Variants in WDR35 observed in about 807,000 individuals in gnomAD.
The protein encoded by WDR35 is WD repeat-containing protein 35.
Under a neutral mutation model 158.3 loss-of-function variants are expected in WDR35, and 118 were observed. The ratio of observed to expected loss-of-function variants is 0.75; its 90% CI spans 0.64 to 0.87. The LOEUF (loss-of-function observed/expected upper bound fraction) is 0.87, where lower values mean the gene tolerates loss of function less well. Among genes scored for constraint, WDR35 ranks in the 40% least tolerant of loss-of-function variants. WDR35 has a pLI of 0.00. For missense variants in WDR35, 1,263 were observed against 1,405.8 expected, an observed-to-expected ratio of 0.90 and a Z score of 1.62; for synonymous variants, 448 against 476.1, an observed-to-expected ratio of 0.94 and a Z score of 0.77.
At position 19,989,228 on chromosome 2, in the gene WDR35, C is replaced by T. The variant is rs756728720; in HGVS notation, c.79G>A (p.Gly27Arg). Residue 27 changes from glycine to arginine, a missense_variant, in exon 2 of 27, where the codon GGG (glycine) becomes AGG (arginine). Gly to Arg is a moderately radical substitution (Grantham distance 125, BLOSUM62 -2). Transcript: ENST00000281405. ...TCTTCACCACCGCATGCTATGAACC[C>T]TTGTTCCTTGTTCCAGGATACACAC... ...LQCVSWNKEQGFIACGGEDGL... is the reference protein window; with the variant it reads ...LQCVSWNKEQRFIACGGEDGL... 6.2e-7 allele frequency: 1 copy of T among 1,614,230 alleles called. No individual in the cohort carries two copies. The highest frequency in any genetic ancestry group is 1.7e-5 in the Admixed American group (1 of 60,024).
In WDR35 at chr2:19,939,917, CA is replaced by C. The variant is rs200732447; in HGVS notation, c.1927-1517del. On this transcript the variant is annotated intron_variant, in intron 17 of 26. Transcript: ENST00000281405. ...ATATATAAAAGCAGACAAAATATTT[CA>C]GTCACCTTAGTTTGATTCTACCCAC... Among the ~76,000 whole-genome samples the C allele has an allele frequency of 2.9e-3, 441 of 151,908 alleles. 7 individuals carry two copies. Among genetic ancestry groups the C allele is most frequent in the East Asian group, 0.018 (93 of 5,170 alleles).
In WDR35 at chr2:19,975,674, A is replaced by G. The variant is rs748445254; in HGVS notation, c.437-11T>C. 12 of 1,613,934 alleles carry G rather than the reference A, an allele frequency of 7.4e-6. No individual in the cohort carries two copies. Among genetic ancestry groups the G allele is most frequent in the Non-Finnish European group, 9.3e-6 (11 of 1,179,904 alleles). ...CCCAAATACGATTGCCTAAAACAAA[A>G]CATTATTAAAAGTTGTTCAAGGTCA... On this transcript the variant is annotated splice_polypyrimidine_tract_variant and intron_variant, in intron 5 of 26. Coordinates refer to ENST00000281405, the MANE Select transcript of WDR35 (RefSeq NM_020779.4).
At chr2:19,977,929 T>A (rs1672262494) in intron 5 of WDR35, among the ~76,000 whole-genome samples, 1 of 152,216 alleles carries the variant, frequency 6.6e-6, no homozygotes. Context: ...ACCTACCTTG[T>A]GGCTAATGCC....
chr2:19,953,728 A>T, intron 12 of WDR35, 106 bp downstream of exon 12: 1 of 1,408,056 alleles, frequency 7.1e-7, no homozygotes, highest in Non-Finnish European at 9.9e-7. Flanking sequence ...AAACATTTCT[A>T]CTAATCAAGA....
In WDR35 at chr2:19,912,887, T is replaced by C. The variant is rs1669877585; in HGVS notation, c.*671A>G. 1 of 152,246 alleles carries C rather than the reference T, an allele frequency of 6.6e-6. No individual in the cohort carries two copies. 9.4% of individuals were successfully genotyped at this position (152,246 alleles called of 1,614,324 possible). On this transcript the variant is annotated 3_prime_UTR_variant, in exon 27 of 27. Coordinates refer to ENST00000281405, the MANE Select transcript of WDR35 (RefSeq NM_020779.4). Reference sequence around the variant, plus strand: ...ATTTCTGTTTAAGTTATCTTCATTATAAATAGAGGCAAGTTTTCTGCACAA... The same window carrying C: ...ATTTCTGTTTAAGTTATCTTCATTACAAATAGAGGCAAGTTTTCTGCACAA...
At position 19,914,250 on chromosome 2, in the gene WDR35, AT is replaced by A. The variant is rs1461541441; in HGVS notation, c.3148del (p.Ile1050SerfsTer11). 1 of 1,613,834 alleles carries A rather than the reference AT, an allele frequency of 6.2e-7. No individual in the cohort carries two copies. Among genetic ancestry groups the A allele is most frequent in the Non-Finnish European group, 8.5e-7 (1 of 1,179,894 alleles). On this transcript the variant is annotated frameshift_variant, in exon 26 of 27. Transcript: ENST00000281405. LOFTEE classifies it high-confidence loss of function. ...TALHLKDYED[I>X]IPPVEIYSLL... ...AGAGTAGATCTCCACAGGAGGGATGATGTCTTCATAGTCTTTCAGGTGAAGA... is the reference window on the plus strand; with the variant it reads ...AGAGTAGATCTCCACAGGAGGGATGAGTCTTCATAGTCTTTCAGGTGAAGA...
At chr2:19,923,113 G>A (rs1453645700) in intron 25 of WDR35, among the ~76,000 whole-genome samples, 2 of 152,144 alleles carry the variant, frequency 1.3e-5, no homozygotes, top group Admixed American at 6.5e-5. Context: ...TAATAAATAC[G>A]TGGGTAAATC....
At chr2:19,973,003 T>C (rs1672078290) in intron 8 of WDR35, among the ~76,000 whole-genome samples, 2 of 152,138 alleles carry the variant, frequency 1.3e-5, no homozygotes. Flanking sequence ...TTAAAAATAC[T>C]ATTGAGAAGG....
Position 19,934,522 on chromosome 2 carries a change from A to C in WDR35, c.2547+949T>G, listed in dbSNP as rs1273669468. On this transcript the variant is annotated intron_variant, in intron 21 of 26. Transcript: ENST00000281405. The surrounding 1 kb of genome is among the most constrained non-coding windows in gnomAD (Gnocchi z 4.6). ...TCTATTTAAAATTTATAATACTAAA[A>C]TTTTTACTATTTTAGTTATTTAATT... is the stretch of plus-strand genomic sequence containing the variant. Among the ~76,000 whole-genome samples, 1 of 151,956 alleles carries C rather than the reference A, an allele frequency of 6.6e-6. No individual in the cohort carries two copies. The highest frequency in any genetic ancestry group is 1.9e-4 in the East Asian group (1 of 5,194).
In WDR35 at chr2:19,911,450, G is replaced by A. The variant is rs573783425; in HGVS notation, c.*2108C>T. 6.6e-6 allele frequency: 1 copy of A among 152,358 alleles called. No individual in the cohort carries two copies. Among genetic ancestry groups the A allele is most frequent in the African/African-American group, 2.4e-5 (1 of 41,578 alleles). The allele number at this position is 152,358 out of a possible 1,614,324, so 9.4% of individuals were successfully genotyped here. On this transcript the variant is annotated 3_prime_UTR_variant, in exon 27 of 27. Coordinates refer to ENST00000281405, the MANE Select transcript of WDR35 (RefSeq NM_020779.4). The stretch of plus-strand genomic sequence containing the variant: ...ACATTTCTCTTTCCTTGATGAAGCA[G>A]AGAATAGTCTCATCCCTAAAAACAG...
chr2:19,963,916 G>T (rs1384573448), intron 10 of WDR35, among the ~76,000 whole-genome samples: 2 of 151,944 alleles, frequency 1.3e-5, no homozygotes, highest in Non-Finnish European at 2.9e-5. Context: ...GCTAATTTTT[G>T]TATATTTAGT....
At position 19,913,124 on chromosome 2, in the gene WDR35, T is replaced by C. The variant is rs1431702990; in HGVS notation, c.*434A>G. 1 of 157,510 alleles carries C rather than the reference T, an allele frequency of 6.3e-6. No homozygotes were observed. The highest frequency in any genetic ancestry group is 1.4e-5 in the Non-Finnish European group (1 of 71,374). The allele number at this position is 157,510 out of a possible 1,614,324, so 9.8% of individuals were successfully genotyped here. On this transcript the variant is annotated 3_prime_UTR_variant, in exon 27 of 27. Coordinates refer to ENST00000281405, the MANE Select transcript of WDR35 (RefSeq NM_020779.4). ...GAGAAAGCTCATTTCATTATTACAA[T>C]TGTTTAACTTCCTTGTAACATGGGT...
intron 13 of WDR35, among the ~76,000 whole-genome samples, chr2:19,948,877 G>A (rs1373436524): frequency 2.6e-5 from 4 of 151,210 alleles, no homozygotes; most frequent in Admixed American, 1.3e-4. Flanking sequence ...TCACACCACT[G>A]CACTCCAGCC....
chr2:19,946,697 T>C (rs1236598054), intron 14 of WDR35, 127 bp from the exon 15 acceptor site: 1 of 810,242 alleles, frequency 1.2e-6, no homozygotes, highest in East Asian at 2.7e-5. Context: ...TTCTCAATTC[T>C]GATAATGAAT....
intron 11 of WDR35, 71 bp from the exon 12 acceptor site, chr2:19,954,049 T>C: frequency 6.3e-7 from 1 of 1,583,298 alleles, no homozygotes; most frequent in Non-Finnish European, 8.7e-7. Flanking sequence ...CAAAGGCCTT[T>C]AGTAATCACG....
At chr2:19,982,356 G>T in intron 3 of WDR35, 107 bp downstream of exon 3, 1 of 1,098,066 alleles carries the variant, frequency 9.1e-7, no homozygotes, top group Non-Finnish European at 1.4e-6. Context: ...CATCTGTACT[G>T]TAAATATTAC....
chr2:19,966,261 T>A (rs897083287), intron 10 of WDR35, among the ~76,000 whole-genome samples: 1 of 152,200 alleles, frequency 6.6e-6, no homozygotes, highest in African/African-American at 2.4e-5. Context: ...AAAAGACATA[T>A]TTATATTATT....
At chr2:19,914,588 T>C (rs1156363301) in intron 25 of WDR35, among the ~76,000 whole-genome samples, 1 of 152,216 alleles carries the variant, frequency 6.6e-6, no homozygotes, top group Non-Finnish European at 1.5e-5. Flanking sequence ...CTTCAATTTA[T>C]GTTAGAAATT....
At chr2:19,978,232 A>C (rs146955021) in intron 5 of WDR35, among the ~76,000 whole-genome samples, 5 of 152,100 alleles carry the variant, frequency 3.3e-5, no homozygotes, top group East Asian at 1.9e-4. Flanking sequence ...AGCGAGCGAG[A>C]GAGAGAAATA....
Sources: gnomAD v4.1 joint callset for allele counts (sites outside exome capture counted in the v4.1 genomes callset) on GRCh38, gnomAD v4.1.1 for gene constraint, Gnocchi (gnomAD v3.1) non-coding constraint, MANE v1.5 for transcripts, NCBI Gene and HGNC (gene_info 2026-07-23, HGNC 2026-07-21) for gene names.